DLG2: variants seen among roughly 807,000 people sequenced by gnomAD.
DLG2 encodes disks large homolog 2.
In DLG2, 45 loss-of-function variants were observed where a neutral mutation model predicts 132.5. The ratio of observed to expected loss-of-function variants is 0.34; its 90% CI spans 0.27 to 0.44. DLG2 has a LOEUF of 0.44. Ranked by LOEUF, DLG2 falls within the 20% of genes least tolerant of loss-of-function variation. The pLI is 1.00. For missense variants in DLG2, 1,045 were observed against 1,196.9 expected, an observed-to-expected ratio of 0.87 and a Z score of 1.87; for synonymous variants, 424 against 419.6, an observed-to-expected ratio of 1.01 and a Z score of -0.13.
intron 12 of DLG2, among the ~76,000 whole-genome samples, chr11:83,977,353 T>C (rs552383614): frequency 6.6e-6 from 1 of 152,108 alleles, no homozygotes; most frequent in South Asian, 2.1e-4. Context: ...GTATGAGCTA[T>C]TAAGAGTTTC....
intron 3 of DLG2, among the ~76,000 whole-genome samples, chr11:85,540,808 G>A (rs1265484550): frequency 1.3e-5 from 2 of 152,198 alleles, no homozygotes; most frequent in Non-Finnish European, 2.9e-5. Context: ...CCCATGACCT[G>A]CCCATCTGTA....
chr11:83,588,057 AG>A (rs1714186027), intron 19 of DLG2, among the ~76,000 whole-genome samples: 2 of 152,030 alleles, frequency 1.3e-5, no homozygotes. Context: ...AGGCTAGGGG[AG>A]GGGCGCCCGC....
chr11:84,185,741 G>T (rs1482141741), intron 8 of DLG2, among the ~76,000 whole-genome samples: 1 of 152,160 alleles, frequency 6.6e-6, no homozygotes, highest in Non-Finnish European at 1.5e-5. Context: ...TTTGAGGTAT[G>T]TCCCATCAAT....
intron 7 of DLG2, among the ~76,000 whole-genome samples, chr11:84,330,895 G>T (rs2098455459): frequency 6.6e-6 from 1 of 152,176 alleles, no homozygotes; most frequent in South Asian, 2.1e-4. Context: ...AAGTTGAGGT[G>T]CATTTAGTGA....
chr11:85,476,342 G>A (rs941440994), intron 3 of DLG2, among the ~76,000 whole-genome samples: 2 of 92,116 alleles, frequency 2.2e-5, no homozygotes, highest in African/African-American at 6.4e-5. Flanking sequence ...GTAAAGGAGT[G>A]GTGAGTAAAT....
intron 3 of DLG2, among the ~76,000 whole-genome samples, chr11:85,335,217 T>C (rs141857748): frequency 6.6e-6 from 1 of 151,114 alleles, no homozygotes; most frequent in East Asian, 1.9e-4. Flanking sequence ...TGTGAAATAA[T>C]AATGTGAAAT....
At chr11:84,560,907 A>G (rs1221490514) in intron 6 of DLG2, among the ~76,000 whole-genome samples, 1 of 152,084 alleles carries the variant, frequency 6.6e-6, no homozygotes, top group African/African-American at 2.4e-5. Flanking sequence ...AACTCCTTCA[A>G]CACAGATTTA....
intron 6 of DLG2, among the ~76,000 whole-genome samples, chr11:84,860,019 A>G (rs994968213): frequency 7.2e-5 from 11 of 152,156 alleles, no homozygotes; most frequent in Non-Finnish European, 1.5e-5. Context: ...TGTAATCTTA[A>G]CAGGCTGGTA....
At chr11:83,659,643 T>C (rs2073721601) in intron 18 of DLG2, among the ~76,000 whole-genome samples, 1 of 152,186 alleles carries the variant, frequency 6.6e-6, no homozygotes, top group Non-Finnish European at 1.5e-5. Flanking sequence ...GGGATTACTC[T>C]CATGATATAG....
chr11:83,975,359 C>G (rs1380883234), intron 12 of DLG2, among the ~76,000 whole-genome samples: 1 of 151,864 alleles, frequency 6.6e-6, no homozygotes, highest in Non-Finnish European at 1.5e-5. Flanking sequence ...ATTTAAAAAA[C>G]AAAACAAAAT....
chr11:83,690,146 G>C (rs2080715393), intron 18 of DLG2, among the ~76,000 whole-genome samples: 1 of 149,984 alleles, frequency 6.7e-6, no homozygotes, highest in Admixed American at 6.7e-5. Context: ...AAATTTAAAG[G>C]CTGTGATGAA....
intron 3 of DLG2, among the ~76,000 whole-genome samples, chr11:85,442,892 AGGAAGAAGAAGAAG>A (rs1268964571): frequency 2.0e-5 from 3 of 152,062 alleles, no homozygotes; most frequent in South Asian, 2.1e-4. Context: ...AAAAGGAAGA[AGGAAGAAGAAGAAG>A]GGAAGAAGAA....
chr11:84,598,883 G>A (rs1252273007), intron 6 of DLG2, among the ~76,000 whole-genome samples: 1 of 151,790 alleles, frequency 6.6e-6, no homozygotes, highest in Non-Finnish European at 1.5e-5. Flanking sequence ...CCTGGAGGCT[G>A]CATTAAGCCA....
At chr11:85,599,242 C>T (rs1396179489) in intron 2 of DLG2, among the ~76,000 whole-genome samples, 1 of 152,058 alleles carries the variant, frequency 6.6e-6, no homozygotes, top group Non-Finnish European at 1.5e-5. Context: ...TACTGGATTA[C>T]TCACTTTTCC....
At chr11:84,956,110 T>C (rs999059264) in intron 6 of DLG2, among the ~76,000 whole-genome samples, 1 of 152,192 alleles carries the variant, frequency 6.6e-6, no homozygotes, top group Non-Finnish European at 1.5e-5. Flanking sequence ...CCCGCCTGTC[T>C]CCATTTATCA....
intron 7 of DLG2, 100 bp from the exon 8 acceptor site, chr11:84,251,391 T>C: frequency 1.1e-6 from 1 of 874,126 alleles, no homozygotes. Context: ...CAGGCATTTC[T>C]TGAGGACCTC....
At chr11:85,084,639 T>A (rs1449524517) in intron 6 of DLG2, among the ~76,000 whole-genome samples, 2 of 152,162 alleles carry the variant, frequency 1.3e-5, no homozygotes, top group African/African-American at 4.8e-5. Flanking sequence ...CAAGGACTCA[T>A]AACTAGTGAG....
chr11:84,263,103 T>C (rs1374379367), intron 7 of DLG2, among the ~76,000 whole-genome samples: 1 of 152,172 alleles, frequency 6.6e-6, no homozygotes, highest in Non-Finnish European at 1.5e-5. Context: ...TTCAGCAGTT[T>C]ACTGAGTCTC....
intron 7 of DLG2, among the ~76,000 whole-genome samples, chr11:84,454,473 C>T (rs2099060119): frequency 6.6e-6 from 1 of 151,358 alleles, no homozygotes; most frequent in African/African-American, 2.4e-5. Context: ...AAATATGAGC[C>T]AGCAAGTCCA....
Sources: gnomAD v4.1 joint callset for allele counts (sites outside exome capture counted in the v4.1 genomes callset) on GRCh38, gnomAD v4.1.1 for gene constraint, MANE v1.5 for transcripts, NCBI Gene and HGNC (gene_info 2026-07-23, HGNC 2026-07-21) for gene names.